Variants in ITPR2 observed in about 807,000 individuals in gnomAD.
ITPR2 encodes the protein inositol 1,4,5-trisphosphate-gated calcium channel ITPR2.
Under a neutral mutation model 317.1 loss-of-function variants are expected in ITPR2, and 207 were observed. The observed-to-expected ratio is 0.65, with a 90% CI of 0.58 to 0.73. The LOEUF is 0.73. Ranked by LOEUF, ITPR2 falls within the 30% of genes least tolerant of loss-of-function variation. The pLI, the probability that ITPR2 is intolerant of heterozygous loss-of-function variation, is 0.00. For synonymous variants in ITPR2, 1,156 were observed against 1,149.1 expected (o/e 1.01, Z -0.12); for missense variants, 2,613 against 3,284.0 (o/e 0.80, Z 4.99).
chr12:26,634,770 A>T lies in ITPR2; in HGVS notation c.2741-2711T>A, dbSNP rs1946829544. ...CGTGCTTGTGGGCACTGGTAATTTC[A>T]GCTACTCGGGAGGCTGAGGCAGGAG... On this transcript the variant is annotated intron_variant, in intron 21 of 56. Transcript: ENST00000381340. Among the ~76,000 whole-genome samples, 3 of 151,198 alleles carry T rather than the reference A, an allele frequency of 2.0e-5. No homozygotes were observed. The Admixed American group carries it at 2.0e-4, about 10-fold the overall frequency.
chr12:26,686,379 G>T, intron 11 of ITPR2, 102 bp downstream of exon 11: 1 of 680,246 alleles, frequency 1.5e-6, no homozygotes, highest in Non-Finnish European at 2.2e-6. Flanking sequence ...ATTTATGTTT[G>T]CTCCCTTGAT....
At chr12:26,584,501 C>T (rs1450612603) in intron 32 of ITPR2, among the ~76,000 whole-genome samples, 1 of 152,118 alleles carries the variant, frequency 6.6e-6, no homozygotes, top group Non-Finnish European at 1.5e-5. Context: ...TATATGATGT[C>T]CTTCCTCTCT....
chr12:26,589,840 A>G, intron 32 of ITPR2, among the ~76,000 whole-genome samples: 1 of 29,790 alleles, frequency 3.4e-5, no homozygotes, highest in Non-Finnish European at 6.8e-5. Flanking sequence ...AAACATATAT[A>G]TATATATATA....
intron 48 of ITPR2, among the ~76,000 whole-genome samples, chr12:26,429,037 T>A (rs938080155): frequency 5.9e-5 from 9 of 152,202 alleles, no homozygotes; most frequent in Non-Finnish European, 1.3e-4. Flanking sequence ...ATTTATAAAA[T>A]TTGCTACCGC....
chr12:26,531,394 A>G (rs1565584403), intron 37 of ITPR2, among the ~76,000 whole-genome samples: 1 of 152,234 alleles, frequency 6.6e-6, no homozygotes. Context: ...CATGTGTAAT[A>G]AACTGGAGCA....
At position 26,659,280 on chromosome 12, in the gene ITPR2, A is replaced by G. The variant is rs1488235677; in HGVS notation, c.1719T>C (p.Tyr573=). Residue 573 remains tyrosine, a synonymous_variant, in exon 16 of 57, where the codon TAT becomes TAC. Transcript: ENST00000381340. ...SQQDYRKNQE[Y]IAKNFCVMQS... ...GCATGACACAGAAATTCTTAGCAAT[A>G]TATTCCTGCAAAGAAGAAAGGCTGT... 10 of 1,612,988 alleles carry G rather than the reference A, an allele frequency of 6.2e-6. No individual in the cohort carries two copies. The highest frequency in any genetic ancestry group is 8.5e-6 in the Non-Finnish European group (10 of 1,179,732).
At chr12:26,458,500 G>A (rs1378632017) in intron 45 of ITPR2, among the ~76,000 whole-genome samples, 6 of 152,134 alleles carry the variant, frequency 3.9e-5, no homozygotes, top group Non-Finnish European at 8.8e-5. Flanking sequence ...TGCACCCAAA[G>A]CACTGATATT....
chr12:26,646,839 AC>A (rs1157047978), intron 21 of ITPR2, among the ~76,000 whole-genome samples: 1 of 152,190 alleles, frequency 6.6e-6, no homozygotes, highest in Non-Finnish European at 1.5e-5. Context: ...TAACATATAT[AC>A]CAACAAAAAG....
At chr12:26,669,414 G>T (rs1288047446) in intron 13 of ITPR2, among the ~76,000 whole-genome samples, 1 of 152,164 alleles carries the variant, frequency 6.6e-6, no homozygotes, top group Non-Finnish European at 1.5e-5. Context: ...TCCAAGAATT[G>T]AAGGCAGAAA....
chr12:26,702,995 T>G (rs1439875464), intron 9 of ITPR2, among the ~76,000 whole-genome samples: 1 of 152,236 alleles, frequency 6.6e-6, no homozygotes, highest in Non-Finnish European at 1.5e-5. Context: ...ATGGTCTGAT[T>G]TCCTTTGGAT....
At chr12:26,474,419 T>A (rs1942362636) in intron 45 of ITPR2, among the ~76,000 whole-genome samples, 1 of 152,260 alleles carries the variant, frequency 6.6e-6, no homozygotes, top group Admixed American at 6.5e-5. Context: ...TTAAAGTTGA[T>A]CTTCATGTTA....
chr12:26,589,441 G>A (rs933836154), intron 32 of ITPR2, among the ~76,000 whole-genome samples: 2 of 152,000 alleles, frequency 1.3e-5, no homozygotes, highest in Non-Finnish European at 2.9e-5. Context: ...ATGATGGAAG[G>A]TGGTATGAGT....
chr12:26,483,350 A>G (rs1219446969), intron 42 of ITPR2, among the ~76,000 whole-genome samples: 5 of 152,200 alleles, frequency 3.3e-5, no homozygotes, highest in Non-Finnish European at 7.3e-5. Flanking sequence ...AAGAAATAAC[A>G]TATACTACTC....
In ITPR2 at chr12:26,602,393, G is replaced by T; in HGVS notation, c.3655C>A (p.Leu1219Ile). ...ACCTTTTCATAGGGTATCTGCAGAAGATCCAACACCACCGAATGCGCCCCC... is the reference window on the plus strand; with the variant it reads ...ACCTTTTCATAGGGTATCTGCAGAATATCCAACACCACCGAATGCGCCCCC... The part of the protein sequence containing the change: ...NMGAHSVVLD[L>I]LQIPYEKNDE... Residue 1219 changes from leucine to isoleucine, a missense_variant, in exon 28 of 57, where the codon CTT becomes ATT. Physicochemically the swap from Leu to Ile is conservative, Grantham distance 5. Coordinates refer to ENST00000381340, the MANE Select transcript of ITPR2 (RefSeq NM_002223.4). The T allele has an allele frequency of 6.2e-7, 1 of 1,613,434 alleles. No individual in the cohort carries two copies. Among genetic ancestry groups the T allele is most frequent in the Non-Finnish European group, 8.5e-7 (1 of 1,179,596 alleles).
chr12:26,759,678 GC>G (rs1949593495), intron 2 of ITPR2, among the ~76,000 whole-genome samples: 1 of 152,174 alleles, frequency 6.6e-6, no homozygotes, highest in Non-Finnish European at 1.5e-5. Flanking sequence ...AAAGCAGGGT[GC>G]AATAATGACA....
Position 26,656,308 on chromosome 12 carries a change from G to C in ITPR2, c.2433C>G (p.Ile811Met), listed in dbSNP as rs756253177. Residue 811 changes from isoleucine (I) to methionine (M), a missense_variant, in exon 19 of 57, where the codon ATC becomes ATG. Physicochemically the swap from Ile to Met is conservative, Grantham distance 10. This residue lies in a region of ITPR2 where 817 missense variants were observed against 897.6 expected (regional missense o/e 0.91). Coordinates refer to ENST00000381340, the MANE Select transcript of ITPR2 (RefSeq NM_002223.4). ...TTTTCCAAACATACTCATGAATTGT[G>C]ATCTTTGTGGGGATTTCTGTCCAGA... ...ARLWTEIPTK[I>M]TIHEYDSITD... is the part of the protein sequence containing the mutation. The C allele has an allele frequency of 6.2e-7, 1 of 1,614,048 alleles. No individual in the cohort carries two copies. Among genetic ancestry groups the C allele is most frequent in the South Asian group, 1.1e-5 (1 of 91,080 alleles).
In ITPR2 at chr12:26,339,276, G is replaced by A; in HGVS notation, c.*121C>T. ...CGGAGCTAACCCACTCAACATCTTG[G>A]CACTTGGTTGTTTTTAACTTTTCAA... On this transcript the variant is annotated 3_prime_UTR_variant, in exon 57 of 57. Coordinates refer to ENST00000381340, the MANE Select transcript of ITPR2 (RefSeq NM_002223.4). 1.3e-6 allele frequency: 1 copy of A among 780,552 alleles called. No individual in the cohort carries two copies. Among genetic ancestry groups the A allele is most frequent in the East Asian group, 2.6e-5 (1 of 38,054 alleles). 48.4% of individuals were successfully genotyped at this position (780,552 alleles called of 1,614,324 possible).
chr12:26,536,281 G>A (rs1944087434), intron 37 of ITPR2, among the ~76,000 whole-genome samples: 1 of 152,182 alleles, frequency 6.6e-6, no homozygotes, highest in African/African-American at 2.4e-5. Flanking sequence ...ATTCTGGCCT[G>A]CCTGCCATCC....
chr12:26,812,578 C>CA (rs55963046), intron 1 of ITPR2, among the ~76,000 whole-genome samples: 160 of 147,636 alleles, frequency 1.1e-3, no homozygotes, highest in African/African-American at 2.9e-3. Flanking sequence ...GACTCCGTCT[C>CA]AAAAAAAAAA....
Sources: gnomAD v4.1 joint callset for allele counts (sites outside exome capture counted in the v4.1 genomes callset) on GRCh38, gnomAD v4.1.1 for gene constraint, gnomAD v4.1.1 regional missense constraint, MANE v1.5 for transcripts, NCBI Gene and HGNC (gene_info 2026-07-23, HGNC 2026-07-21) for gene names.